Variants in MACROD2 observed in about 807,000 individuals in gnomAD.
The protein encoded by MACROD2 is mono-ADP ribosylhydrolase 2.
In MACROD2, 36 loss-of-function variants were observed where a neutral mutation model predicts 70.4. The ratio of observed to expected loss-of-function variants is 0.51; its 90% CI spans 0.39 to 0.68. MACROD2 has a LOEUF of 0.68. MACROD2 is among the 30% of genes least tolerant of loss of function. MACROD2 has a pLI of 0.00. For synonymous variants in MACROD2, 172 were observed against 178.8 expected (o/e 0.96, Z 0.30); for missense variants, 496 against 538.4 (o/e 0.92, Z 0.78).
intron 8 of MACROD2, among the ~76,000 whole-genome samples, chr20:15,819,471 A>C (rs1301515963): frequency 4.1e-5 from 6 of 145,766 alleles, no homozygotes; most frequent in African/African-American, 1.2e-4. Flanking sequence ...ATAAGTATAT[A>C]AATATATAGT....
intron 8 of MACROD2, among the ~76,000 whole-genome samples, chr20:15,814,117 A>G (rs2063848273): frequency 6.6e-6 from 1 of 152,190 alleles, no homozygotes; most frequent in African/African-American, 2.4e-5. Context: ...GACAGAAAAA[A>G]AGAAAATATA....
chr20:14,259,574 AC>A (rs1341045378), intron 3 of MACROD2, among the ~76,000 whole-genome samples: 6 of 152,300 alleles, frequency 3.9e-5, no homozygotes, highest in Admixed American at 3.3e-4. Context: ...CTGTTTATGT[AC>A]CATTAGTCAA....
Position 15,461,006 on chromosome 20 carries a change from A to ATATATATATATTTTTTT in MACROD2, c.571+29572_571+29573insATATATATATTTTTTTT. 2.0e-3 allele frequency among the ~76,000 whole-genome samples: 134 copies of ATATATATATATTTTTTT among 66,970 alleles called. 1 individual carries two copies. Among genetic ancestry groups the ATATATATATATTTTTTT allele is most frequent in the Non-Finnish European group, 3.4e-3 (104 of 30,426 alleles). 43.9% of individuals were successfully genotyped at this position (66,970 alleles called of 152,430 possible). A position where few individuals can be genotyped will look rare whatever the true frequency, so the allele number is the denominator to read the frequency against. ...TATATATATATATATATATATATAT[A>ATATATATATATTTTTTT]TTTTTTTTTAATAGATGGGGTCTTG... On this transcript the variant is annotated intron_variant, in intron 7 of 17. Coordinates refer to ENST00000684519, the MANE Select transcript of MACROD2 (RefSeq NM_001351661.2).
intron 3 of MACROD2, among the ~76,000 whole-genome samples, chr20:14,251,148 A>G (rs1418791353): frequency 6.6e-6 from 1 of 152,182 alleles, no homozygotes; most frequent in Non-Finnish European, 1.5e-5. Context: ...AGATCACAAC[A>G]AAACTTCCTA....
At chr20:14,561,396 T>C (rs1359839552) in intron 4 of MACROD2, among the ~76,000 whole-genome samples, 1 of 151,856 alleles carries the variant, frequency 6.6e-6, no homozygotes, top group Non-Finnish European at 1.5e-5. Context: ...CTTAGGAAAA[T>C]ATTTTGAAAT....
chr20:15,866,902 A>G (rs1024286944), intron 9 of MACROD2, among the ~76,000 whole-genome samples: 21 of 152,184 alleles, frequency 1.4e-4, no homozygotes, highest in Non-Finnish European at 3.1e-4. Flanking sequence ...CCTTTATAGC[A>G]TCTACAGGAC....
At chr20:15,913,219 GA>G (rs11482787) in intron 10 of MACROD2, among the ~76,000 whole-genome samples, 442 of 148,424 alleles carry the variant, frequency 3.0e-3, no homozygotes, top group Middle Eastern at 7.0e-3. Flanking sequence ...TCTCTTCATA[GA>G]AAAAAAAAAT....
At chr20:14,899,141 G>T (rs567229341) in intron 5 of MACROD2, among the ~76,000 whole-genome samples, 1 of 152,052 alleles carries the variant, frequency 6.6e-6, no homozygotes, top group African/African-American at 2.4e-5. Flanking sequence ...TCCTTTTCTT[G>T]TACACACTTC....
chr20:15,393,986 A>G (rs1176144891), intron 6 of MACROD2, among the ~76,000 whole-genome samples: 1 of 152,188 alleles, frequency 6.6e-6, no homozygotes, highest in Non-Finnish European at 1.5e-5. Context: ...AAATATCTTA[A>G]TAGTGATGCT....
chr20:14,319,403 A>G (rs1214481634), intron 3 of MACROD2, among the ~76,000 whole-genome samples: 4 of 152,060 alleles, frequency 2.6e-5, no homozygotes, highest in Non-Finnish European at 4.4e-5. Flanking sequence ...GATTCCTCTC[A>G]CTATACTCCC....
chr20:15,747,728 C>T (rs894386757), intron 8 of MACROD2, among the ~76,000 whole-genome samples: 1 of 151,946 alleles, frequency 6.6e-6, no homozygotes, highest in Non-Finnish European at 1.5e-5. Context: ...CGGAGATGAT[C>T]ATAGCATGTA....
At chr20:14,590,452 T>G (rs1981688824) in intron 4 of MACROD2, among the ~76,000 whole-genome samples, 1 of 152,146 alleles carries the variant, frequency 6.6e-6, no homozygotes, top group Non-Finnish European at 1.5e-5. Flanking sequence ...TGGCATGGCT[T>G]AGGTAGGACA....
At chr20:14,506,937 C>T (rs2084975701) in intron 4 of MACROD2, among the ~76,000 whole-genome samples, 5 of 152,026 alleles carry the variant, frequency 3.3e-5, no homozygotes, top group Admixed American at 3.3e-4. Flanking sequence ...GGTGACAGAG[C>T]GAGACTCTGT....
chr20:15,997,548 G>A (rs1237494), intron 15 of MACROD2, among the ~76,000 whole-genome samples: 35,927 of 151,900 alleles, frequency 0.24, 4,334 homozygotes, highest in South Asian at 0.31. Context: ...TGTTGATTTC[G>A]AATTCGGCAA....
intron 4 of MACROD2, among the ~76,000 whole-genome samples, chr20:14,539,502 G>A (rs1267979220): frequency 6.6e-6 from 1 of 152,086 alleles, no homozygotes; most frequent in Non-Finnish European, 1.5e-5. Flanking sequence ...TTTAGGGAAG[G>A]GGGACAATAT....
intron 5 of MACROD2, among the ~76,000 whole-genome samples, chr20:15,227,178 TC>T (rs1420469566): frequency 1.3e-5 from 2 of 152,180 alleles, no homozygotes; most frequent in Non-Finnish European, 2.9e-5. Flanking sequence ...CTGTTTATCC[TC>T]AGTCCTTTAA....
At chr20:15,788,146 T>A (rs1416993225) in intron 8 of MACROD2, among the ~76,000 whole-genome samples, 1 of 152,186 alleles carries the variant, frequency 6.6e-6, no homozygotes, top group African/African-American at 2.4e-5. Context: ...GTAAAGTCAC[T>A]GGAATCATCG....
chr20:14,514,589 A>AT (rs565288273), intron 4 of MACROD2, among the ~76,000 whole-genome samples: 8 of 151,930 alleles, frequency 5.3e-5, no homozygotes, highest in South Asian at 2.1e-4. Flanking sequence ...AAACCACTGA[A>AT]TTTTTTTTAT....
At chr20:15,288,931 T>C (rs1380598289) in intron 6 of MACROD2, among the ~76,000 whole-genome samples, 2 of 152,118 alleles carry the variant, frequency 1.3e-5, no homozygotes, top group African/African-American at 4.8e-5. Flanking sequence ...CTATTGGTTC[T>C]GTTTTTCTGG....
Sources: gnomAD v4.1 joint callset for allele counts (sites outside exome capture counted in the v4.1 genomes callset) on GRCh38, gnomAD v4.1.1 for gene constraint, MANE v1.5 for transcripts, NCBI Gene and HGNC (gene_info 2026-07-23, HGNC 2026-07-21) for gene names.